MINAR1: variants seen among roughly 807,000 people sequenced by gnomAD.
MINAR1 encodes the protein membrane integral NOTCH2 associated receptor 1.
MINAR1 carries 40 observed loss-of-function variants against 65.1 expected under a neutral mutation model. The observed-to-expected ratio is 0.61, with a 90% CI of 0.48 to 0.80. The LOEUF is 0.80. Ranked by LOEUF, MINAR1 falls within the 30% of genes least tolerant of loss-of-function variation. MINAR1 has a pLI of 0.00. For synonymous variants in MINAR1, 482 were observed against 449.1 expected, an observed-to-expected ratio of 1.07 and a Z score of -0.93; for missense variants, 1,128 against 1,148.0, an observed-to-expected ratio of 0.98 and a Z score of 0.25.
chr15:79,461,541 A>C (rs112547180), intron 2 of MINAR1, among the ~76,000 whole-genome samples: 2 of 152,318 alleles, frequency 1.3e-5, no homozygotes, highest in African/African-American at 4.8e-5. Flanking sequence ...AAACTGGTGA[A>C]GTCTCTTAGA....
chr15:79,422,944 C>A, the MINAR1 span: 1 of 152,172 alleles, frequency 6.6e-6, no homozygotes, highest in African/African-American at 2.4e-5. Flanking sequence ...ATTTCATATG[C>A]CCTTTGATTC....
At chr15:79,449,201 A>G (rs974029131) in intron 1 of MINAR1, among the ~76,000 whole-genome samples, 7 of 152,176 alleles carry the variant, frequency 4.6e-5, no homozygotes, top group Non-Finnish European at 1.0e-4. Flanking sequence ...GGCTAAGACA[A>G]TATGGATCCC....
At chr15:79,460,142 G>A (rs1245893116) in intron 2 of MINAR1, among the ~76,000 whole-genome samples, 1 of 152,130 alleles carries the variant, frequency 6.6e-6, no homozygotes, top group African/African-American at 2.4e-5. Context: ...GCTAACACTG[G>A]GGATGCATTC....
rs146609972 is a variant in MINAR1, at chr15:79,457,874, G to C, written c.1727G>C (p.Gly576Ala). ...KIANGVPNSK[G>A]DKGNRPENTH... ...GCCAATGGGGTCCCCAACAGCAAGG[G>C]AGACAAGGGCAACCGGCCTGAAAAC... The change falls in exon 2 of 4, where the codon GGA (glycine) becomes GCA (alanine). Residue 576 changes from glycine to alanine, a missense_variant. By Grantham distance (60) the Gly-to-Ala change is moderately conservative (BLOSUM62 0). Transcript: ENST00000305428. 1.2e-6 allele frequency: 2 copies of C among 1,614,100 alleles called. No individual in the cohort carries two copies. Among genetic ancestry groups the C allele is most frequent in the Non-Finnish European group, 1.7e-6 (2 of 1,180,030 alleles).
At position 79,456,252 on chromosome 15, in the gene MINAR1, T is replaced by C. The variant is rs1263311887; in HGVS notation, c.105T>C (p.Cys35=). The C allele has an allele frequency of 6.2e-7, 1 of 1,614,178 alleles. No individual in the cohort carries two copies. The highest frequency in any genetic ancestry group is 8.5e-7 in the Non-Finnish European group (1 of 1,180,026). ...VSYQDLCKSL[C]ARFDLSQLAK... is the part of the protein sequence containing the mutation. ...ATCAGGACCTGTGCAAATCTCTCTGTGCCCGGTTCGACCTGTCGCAGCTTG... is the reference window on the plus strand; with the variant it reads ...ATCAGGACCTGTGCAAATCTCTCTGCGCCCGGTTCGACCTGTCGCAGCTTG... Residue 35 remains cysteine, a synonymous_variant, in exon 2 of 4, where the codon TGT becomes TGC. Coordinates refer to ENST00000305428, the MANE Select transcript of MINAR1 (RefSeq NM_015206.3).
rs186380776 is a variant in MINAR1 at position 79,449,327 on chromosome 15, A to C, written c.-50-6771A>C. 1.8e-3 allele frequency among the ~76,000 whole-genome samples: 274 copies of C among 152,344 alleles called. 3 individuals are homozygous for C. Among genetic ancestry groups the C allele is most frequent in the African/African-American group, 6.5e-3 (270 of 41,576 alleles). ...ACTACAGAATTGAGTTCAGACTCCC[A>C]GCCCAGAGTTTAGTGTACGCCCTAT... On this transcript the variant is annotated intron_variant, in intron 1 of 3. Transcript: ENST00000305428.
intron 1 of MINAR1, among the ~76,000 whole-genome samples, chr15:79,434,161 A>G (rs946694696): frequency 6.6e-6 from 1 of 152,214 alleles, no homozygotes; most frequent in Non-Finnish European, 1.5e-5. Context: ...AGAATAGATC[A>G]AACAGTTTAT....
chr15:79,463,553 A>T (rs764085816), intron 3 of MINAR1: 3 of 661,980 alleles, frequency 4.5e-6, no homozygotes, highest in Non-Finnish European at 8.2e-6. Flanking sequence ...TGCTTGATTG[A>T]TTTATGTATT....
At chr15:79,414,920 G>A in the MINAR1 span, 5 of 152,218 alleles carry the variant, frequency 3.3e-5, no homozygotes, top group African/African-American at 9.6e-5. Context: ...TGGATCTTGA[G>A]CATGTCTAAT....
rs141360325 is a variant in MINAR1, at chr15:79,469,332, A to C, written c.*948A>C. 5 of 152,682 alleles carry C rather than the reference A, an allele frequency of 3.3e-5. No individual in the cohort carries two copies. The East Asian group carries it at 7.7e-4, about 24-fold the overall frequency. The allele number at this position is 152,682 out of a possible 1,614,324, so 9.5% of individuals were successfully genotyped here. On this transcript the variant is annotated 3_prime_UTR_variant, in exon 4 of 4. Coordinates refer to ENST00000305428, the MANE Select transcript of MINAR1 (RefSeq NM_015206.3). ...GACAATGGCTAAACGTTGACATTCT[A>C]TCTGTAAACCATGGTTTTCACGCAC...
intron 3 of MINAR1, among the ~76,000 whole-genome samples, chr15:79,466,700 C>T (rs1490465523): frequency 6.6e-6 from 1 of 152,210 alleles, no homozygotes; most frequent in Admixed American, 6.5e-5. Context: ...GGTGCAGGGC[C>T]TGCGGGTTGT....
chr15:79,467,208 T>TTTG (rs1275777512), intron 3 of MINAR1, among the ~76,000 whole-genome samples: 1 of 152,232 alleles, frequency 6.6e-6, no homozygotes, highest in East Asian at 1.9e-4. Context: ...TGAGCCTGTG[T>TTTG]TTGTATATGT....
At chr15:79,434,359 C>G (rs572713477) in intron 1 of MINAR1, among the ~76,000 whole-genome samples, 2 of 152,306 alleles carry the variant, frequency 1.3e-5, no homozygotes, top group Non-Finnish European at 2.9e-5. Flanking sequence ...TTTATGAACT[C>G]TCTGATACTC....
At position 79,457,089 on chromosome 15, in the gene MINAR1, T is replaced by A. The variant is rs1895453589; in HGVS notation, c.942T>A (p.Asn314Lys). The change falls in exon 2 of 4, where the codon AAT (asparagine) becomes AAA (lysine). Residue 314 changes from asparagine (N) to lysine (K), a missense_variant. Coordinates refer to ENST00000305428, the MANE Select transcript of MINAR1 (RefSeq NM_015206.3). ...TGCCCTATAACAGCCAGTACCTGAA[T>A]CCAGTGTATTCCCCGGTTCCTGACA... Reference protein sequence around the residue: ...FEMPYNSQYLNPVYSPVPDKR... With the variant: ...FEMPYNSQYLKPVYSPVPDKR... 1 of 1,614,116 alleles carries A rather than the reference T, an allele frequency of 6.2e-7. No individual in the cohort carries two copies. The highest frequency in any genetic ancestry group is 2.2e-5 in the East Asian group (1 of 44,878).
At position 79,458,415 on chromosome 15, in the gene MINAR1, T is replaced by C; in HGVS notation, c.2268T>C (p.Asp756=). 1 of 1,609,906 alleles carries C rather than the reference T, an allele frequency of 6.2e-7. No individual in the cohort carries two copies. The highest frequency in any genetic ancestry group is 1.3e-5 in the African/African-American group (1 of 74,796). ...EEEIKDTGPG[D]NKDWHRKSKE... is the part of the protein sequence containing the mutation. ...AGATAAAAGACACAGGCCCAGGAGA[T>C]AATAAAGACTGGCATCGGAAATCTA... The change falls in exon 2 of 4, where the codon GAT becomes GAC. Residue 756 remains aspartate (D), a synonymous_variant. Coordinates refer to ENST00000305428, the MANE Select transcript of MINAR1 (RefSeq NM_015206.3).
At chr15:79,454,670 T>C (rs942357308) in intron 1 of MINAR1, among the ~76,000 whole-genome samples, 1 of 152,212 alleles carries the variant, frequency 6.6e-6, no homozygotes, top group East Asian at 1.9e-4. Context: ...CAAGGTAAAG[T>C]TTATTATTGT....
chr15:79,429,892 G>A (rs116560872), upstream of MINAR1, among the ~76,000 whole-genome samples: 527 of 152,318 alleles, frequency 3.5e-3, 1 homozygote, highest in African/African-American at 8.6e-3. Flanking sequence ...TTCCCAGAGA[G>A]GGGGGCATAG....
intron 1 of MINAR1, among the ~76,000 whole-genome samples, chr15:79,436,565 C>G (rs1013155596): frequency 3.9e-5 from 6 of 152,142 alleles, no homozygotes; most frequent in African/African-American, 1.4e-4. Flanking sequence ...ACAGAAGGTG[C>G]TTTGTGAGCC....
intron 2 of MINAR1, among the ~76,000 whole-genome samples, chr15:79,459,364 G>C (rs1034495565): frequency 6.6e-6 from 1 of 152,054 alleles, no homozygotes; most frequent in Non-Finnish European, 1.5e-5. Flanking sequence ...TAGAATCATT[G>C]TGCACACATA....
Sources: allele counts gnomAD v4.1 joint callset (sites outside exome capture counted in the v4.1 genomes callset), GRCh38; gene constraint gnomAD v4.1.1; transcripts MANE v1.5; gene names NCBI Gene and HGNC (gene_info 2026-07-23, HGNC 2026-07-21).